Variants in ANKAR observed in about 807,000 individuals in gnomAD.
ANKAR encodes the protein ankyrin and armadillo repeat-containing protein.
In ANKAR, 136 loss-of-function variants were observed where a neutral mutation model predicts 146.2. The ratio of observed to expected loss-of-function variants is 0.93; its 90% confidence interval spans 0.81 to 1.07. The LOEUF (loss-of-function observed/expected upper bound fraction) is 1.07, where lower values mean the gene tolerates loss of function less well. Ranked by LOEUF, ANKAR falls within the 50% of genes least tolerant of loss-of-function variation. The pLI is 0.00. For synonymous variants in ANKAR, 500 were observed against 575.8 expected (o/e 0.87, Z 1.88); for missense variants, 1,567 against 1,679.9 (o/e 0.93, Z 1.18).
chr2:189,746,749 ATACTAAGCAG>A (rs2044217665), downstream of ANKAR: 4 of 972,354 alleles, frequency 4.1e-6, no homozygotes, highest in Non-Finnish European at 5.7e-6. Flanking sequence ...CTTGATCTCG[ATACTAAGCAG>A]ATTTTCCTTA....
rs2044176969 is a variant in ANKAR, at chr2:189,746,434, C to T, written c.4112C>T (p.Thr1371Ile). ...AAAATTCAACCAAAAGATTCTTTGA[C>T]TTTATTACCTCCTGTAACTAACTTC... Reference protein sequence around the residue: ...KPKIQPKDSLTLLPPVTNFMG... With the variant: ...KPKIQPKDSLILLPPVTNFMG... Residue 1371 changes from threonine to isoleucine, a missense_variant, in exon 23 of 23, where the codon ACT (threonine) becomes ATT (isoleucine). Physicochemically the swap from Thr to Ile is moderately conservative, Grantham distance 89. Transcript: ENST00000684021. 1.9e-6 allele frequency: 3 copies of T among 1,609,644 alleles called. No homozygotes were observed. Among genetic ancestry groups the T allele is most frequent in the African/African-American group, 2.7e-5 (2 of 74,634 alleles).
At chr2:189,748,724 A>C (rs771285297), downstream of ANKAR, among the ~76,000 whole-genome samples, 9 of 152,210 alleles carry the variant, frequency 5.9e-5, no homozygotes, top group Non-Finnish European at 8.8e-5. Flanking sequence ...AATTTATAAC[A>C]ATGGAAATAT....
chr2:189,752,979 C>T, intron 18 of ANKAR: 1 of 1,604,782 alleles, frequency 6.2e-7, no homozygotes, highest in South Asian at 1.1e-5. Context: ...CCAGATGCAA[C>T]CTGAAGGAAT....
intron 10 of ANKAR, among the ~76,000 whole-genome samples, chr2:189,711,911 G>A (rs867562929): frequency 1.3e-5 from 2 of 152,226 alleles, no homozygotes; most frequent in African/African-American, 4.8e-5. Context: ...CTTTTCCAAT[G>A]ATCTTAGCAA....
rs565478763 is a variant in ANKAR, at chr2:189,702,202, A to G, written c.1709-2821A>G. Among the ~76,000 whole-genome samples, 6 of 152,322 alleles carry G rather than the reference A, an allele frequency of 3.9e-5. No individual in the cohort carries two copies. The East Asian group carries it at 9.7e-4, about 25-fold the overall frequency. On this transcript the variant is annotated intron_variant, in intron 7 of 22. Transcript: ENST00000684021. Reference sequence around the variant, plus strand: ...TGGTAAAGTAGTTTCTCTTGAGAGCAGGTCTTGTTAAGAACAGAATGCCCT... The same window carrying G: ...TGGTAAAGTAGTTTCTCTTGAGAGCGGGTCTTGTTAAGAACAGAATGCCCT...
At chr2:189,734,300 T>G (rs1312044787) in intron 17 of ANKAR, among the ~76,000 whole-genome samples, 3 of 152,262 alleles carry the variant, frequency 2.0e-5, no homozygotes, top group Non-Finnish European at 4.4e-5. Context: ...CTCACCAATC[T>G]TAGCATCCAT....
chr2:189,720,257 C>CTT (rs754226629), intron 11 of ANKAR, among the ~76,000 whole-genome samples: 1 of 146,626 alleles, frequency 6.8e-6, no homozygotes, highest in East Asian at 2.0e-4. Context: ...TTCTTTTTTT[C>CTT]TTTTTTTTTT....
At chr2:189,692,511 G>C (rs561495622) in intron 4 of ANKAR, 93 bp downstream of exon 4, 6 of 1,091,084 alleles carry the variant, frequency 5.5e-6, no homozygotes, top group South Asian at 1.7e-5. Flanking sequence ...ACAGGCACTC[G>C]ACAGCTCTCC....
At chr2:189,750,529 T>G, downstream of ANKAR, 1 of 955,982 alleles carries the variant, frequency 1.0e-6, no homozygotes, top group South Asian at 1.6e-5. Flanking sequence ...AATAAAAACT[T>G]AATTTTAACC....
chr2:189,747,482 C>G (rs1559156368), downstream of ANKAR, among the ~76,000 whole-genome samples: 1 of 151,806 alleles, frequency 6.6e-6, no homozygotes, highest in Non-Finnish European at 1.5e-5. Flanking sequence ...CCATCAAGTA[C>G]ATGAGTATGG....
intron 18 of ANKAR, among the ~76,000 whole-genome samples, chr2:189,759,746 T>C (rs2046694935): frequency 1.1e-5 from 1 of 89,960 alleles, no homozygotes; most frequent in African/African-American, 5.7e-5. Flanking sequence ...ATTTTATTCT[T>C]ATTTATTTAT....
chr2:189,722,230 T>C (rs2041343048), intron 12 of ANKAR, among the ~76,000 whole-genome samples: 1 of 151,310 alleles, frequency 6.6e-6, no homozygotes, highest in African/African-American at 2.4e-5. Flanking sequence ...TCCCAGCTAC[T>C]TGGGAGGCTG....
At chr2:189,737,396 A>C (rs990397375) in intron 17 of ANKAR, among the ~76,000 whole-genome samples, 1 of 32,944 alleles carries the variant, frequency 3.0e-5, no homozygotes, top group Non-Finnish European at 6.3e-5. Context: ...AGTACAATGG[A>C]ATTTTACAAA....
Position 189,728,418 on chromosome 2 carries a change from T to G in ANKAR, c.3029T>G (p.Val1010Gly), listed in dbSNP as rs1186946227. ...TCACCATCAGCTAAAATGCAGTATG[T>G]TGGTAAGTTATTTTCCTTATTTTAT... ...LLSPSAKMQYVGGEAVIALSK... is the reference protein window; with the variant it reads ...LLSPSAKMQYGGGEAVIALSK... The change falls in exon 14 of 23, where the codon GTT becomes GGT. Residue 1010 changes from valine to glycine, a missense_variant and splice_region_variant. Coordinates refer to ENST00000684021, the MANE Select transcript of ANKAR (RefSeq NM_001378068.1). The G allele has an allele frequency of 3.1e-6, 5 of 1,589,832 alleles. No individual in the cohort carries two copies. In the Admixed American group the frequency reaches 5.6e-5, roughly 18 times the overall value.
At chr2:189,713,975 TA>T (rs1444919433) in intron 10 of ANKAR, among the ~76,000 whole-genome samples, 1 of 152,098 alleles carries the variant, frequency 6.6e-6, no homozygotes, top group Non-Finnish European at 1.5e-5. Flanking sequence ...TAGTCTCTGA[TA>T]AAACAGACTT....
At chr2:189,687,689 G>C (rs2035815533) in intron 2 of ANKAR, among the ~76,000 whole-genome samples, 1 of 152,072 alleles carries the variant, frequency 6.6e-6, no homozygotes, top group Non-Finnish European at 1.5e-5. Context: ...TTATAGTTTT[G>C]ATTTGCATTT....
At chr2:189,720,568 T>G in intron 11 of ANKAR, 51 bp from the exon 12 acceptor site, 1 of 1,242,274 alleles carries the variant, frequency 8.0e-7, no homozygotes, top group South Asian at 2.8e-5. Context: ...TAAATAAAGA[T>G]TACATTTATC....
intron 22 of ANKAR, 122 bp from the exon 23 acceptor site, chr2:189,746,258 T>G (rs2044145440): frequency 1.7e-6 from 2 of 1,192,980 alleles, no homozygotes; most frequent in Non-Finnish European, 2.3e-6. Flanking sequence ...TGTCTGGAAG[T>G]ACTGATCTGT....
chr2:189,704,190 G>A (rs1427140835), intron 7 of ANKAR, among the ~76,000 whole-genome samples: 3 of 148,996 alleles, frequency 2.0e-5, no homozygotes, highest in Non-Finnish European at 4.4e-5. Flanking sequence ...TGCCCAGGCT[G>A]GAGTGCAGTG....
Sources: gnomAD v4.1 joint callset for allele counts (sites outside exome capture counted in the v4.1 genomes callset) on GRCh38, gnomAD v4.1.1 for gene constraint, MANE v1.5 for transcripts, NCBI Gene and HGNC (gene_info 2026-07-23, HGNC 2026-07-21) for gene names.